Variants in AR observed in about 807,000 individuals in gnomAD.
The protein encoded by AR is dihydrotestosterone receptor.
AR carries 8 observed loss-of-function variants against 53.9 expected under a neutral mutation model. That is an observed-to-expected ratio of 0.15 (90% CI 0.09 to 0.27). AR has a LOEUF of 0.27. AR is among the 10% of genes least tolerant of loss of function. The pLI is 1.00. For synonymous variants in AR, 359 were observed against 316.4 expected, an observed-to-expected ratio of 1.13 and a Z score of -1.43; for missense variants, 639 against 742.5, an observed-to-expected ratio of 0.86 and a Z score of 1.62.
At chrX:67,708,656 C>T (rs1241734449) in intron 3 of AR, among the ~76,000 whole-genome samples, 6 of 112,233 alleles carry the variant, frequency 5.3e-5, no homozygotes, top group Admixed American at 2.8e-4. Context: ...AGTCATTCTC[C>T]GTCCAGGTTT....
intron 2 of AR, among the ~76,000 whole-genome samples, chrX:67,673,864 T>G (rs2075882402): frequency 9.0e-6 from 1 of 111,302 alleles, no homozygotes. Flanking sequence ...TTTTTCAGTG[T>G]CTGAGCATTG....
At chrX:67,649,308 T>G (rs150037771) in intron 2 of AR, among the ~76,000 whole-genome samples, 1 of 112,480 alleles carries the variant, frequency 8.9e-6, no homozygotes, top group East Asian at 2.8e-4. Flanking sequence ...AAGTCTGTGC[T>G]ATTGTGAATA....
chrX:67,603,603 T>C (rs1923481262), intron 1 of AR, among the ~76,000 whole-genome samples: 1 of 111,831 alleles, frequency 8.9e-6, no homozygotes, highest in Non-Finnish European at 1.9e-5. Flanking sequence ...ATAAGATGCA[T>C]AAAAATAAGT....
intron 2 of AR, among the ~76,000 whole-genome samples, chrX:67,676,502 T>A (rs1260105831): frequency 1.8e-5 from 2 of 112,300 alleles, no homozygotes; most frequent in African/African-American, 6.5e-5. Flanking sequence ...CAACAAGTGA[T>A]CAGTAGTCAG....
intron 5 of AR, among the ~76,000 whole-genome samples, chrX:67,719,343 A>G (rs952524005): frequency 9.8e-5 from 11 of 112,034 alleles, no homozygotes; most frequent in Non-Finnish European, 1.9e-4. Flanking sequence ...CTCCATGAGC[A>G]CCTGCTCTAC....
intron 2 of AR, among the ~76,000 whole-genome samples, chrX:67,662,933 A>G (rs976994319): frequency 1.8e-5 from 2 of 111,238 alleles, no homozygotes; most frequent in Non-Finnish European, 3.8e-5. Flanking sequence ...TTTATCTGAG[A>G]CTAGGATTGC....
In AR at chrX:67,545,015, C is replaced by T. The variant is rs1929632699; in HGVS notation, c.-132C>T. ...CGTGGTTGCTCCCGCAAGTTTCCTT[C>T]TCTGGAGCTTCCCGCAGGTGGGCAG... is the stretch of plus-strand genomic sequence containing the variant. On this transcript the variant is annotated 5_prime_UTR_variant, in exon 1 of 8. Transcript: ENST00000374690. 9.9e-7 allele frequency: 1 copy of T among 1,006,967 alleles called. No homozygotes were observed. The highest frequency in any genetic ancestry group is 1.3e-6 in the Non-Finnish European group (1 of 762,329). The allele number at this position is 1,006,967 out of a possible 1,213,427, so 83.0% of individuals were successfully genotyped here. A position where few individuals can be genotyped will look rare whatever the true frequency, so the allele number is the denominator to read the frequency against.
chrX:67,692,307 G>T (rs2075999171), intron 3 of AR, among the ~76,000 whole-genome samples: 1 of 112,418 alleles, frequency 8.9e-6, no homozygotes, highest in Non-Finnish European at 1.9e-5. Context: ...GATGCAAGTG[G>T]GAAGTCTCAT....
intron 3 of AR, among the ~76,000 whole-genome samples, chrX:67,686,356 G>A (rs1602255651): frequency 9.0e-6 from 1 of 111,335 alleles, no homozygotes; most frequent in South Asian, 3.8e-4. Flanking sequence ...TAGAGCAGGC[G>A]GTGTGAAGCA....
chrX:67,614,416 G>T (rs777664489), intron 1 of AR, among the ~76,000 whole-genome samples: 1 of 111,389 alleles, frequency 9.0e-6, no homozygotes, highest in Non-Finnish European at 1.9e-5. Flanking sequence ...TTTAATAAGT[G>T]GTTTATGTAA....
intron 3 of AR, among the ~76,000 whole-genome samples, chrX:67,707,299 A>T (rs936123174): frequency 7.1e-5 from 8 of 112,006 alleles, no homozygotes; most frequent in African/African-American, 2.6e-4. Context: ...GTCTCTAAGT[A>T]ATCACTTTAT....
chrX:67,688,775 C>A (rs1169957051), intron 3 of AR, among the ~76,000 whole-genome samples: 1 of 111,437 alleles, frequency 9.0e-6, no homozygotes, highest in Non-Finnish European at 1.9e-5. Context: ...CTCCACGTTC[C>A]CTGCCCTACT....
chrX:67,722,165 T>C (rs2076138767), intron 6 of AR: 1 of 469,051 alleles, frequency 2.1e-6, no homozygotes, highest in East Asian at 4.0e-5. Flanking sequence ...CCAATTTATT[T>C]GCTAGAAGTC....
At chrX:67,710,221 C>T (rs867056996) in intron 3 of AR, among the ~76,000 whole-genome samples, 8 of 111,865 alleles carry the variant, frequency 7.2e-5, no homozygotes, top group African/African-American at 2.6e-4. Flanking sequence ...CCCTAGCAAT[C>T]GGCTAGACAT....
intron 1 of AR, among the ~76,000 whole-genome samples, chrX:67,601,323 ACATTTTGGCC>A (rs1923346665): frequency 8.9e-6 from 1 of 112,152 alleles, no homozygotes; most frequent in Non-Finnish European, 1.9e-5. Context: ...GAATAAAAGT[ACATTTTGGCC>A]CATTTACTCC....
chrX:67,726,115 A>G lies in AR; in HGVS notation c.*2274A>G. ...CTTCCCTGATTTCTGCATTGATATT[A>G]ATAGCCAAACGAACTTCAAAACAGC... On this transcript the variant is annotated 3_prime_UTR_variant, in exon 8 of 8. Transcript: ENST00000374690. 1 of 175,870 alleles carries G rather than the reference A, an allele frequency of 5.7e-6. No homozygotes were observed. Among genetic ancestry groups the G allele is most frequent in the Non-Finnish European group, 1.1e-5 (1 of 91,741 alleles). The allele number at this position is 175,870 out of a possible 1,213,427, so 14.5% of individuals were successfully genotyped here.
At chrX:67,603,849 AAG>A (rs1314368756) in intron 1 of AR, among the ~76,000 whole-genome samples, 1 of 111,192 alleles carries the variant, frequency 9.0e-6, no homozygotes, top group Non-Finnish European at 1.9e-5. Context: ...AAAGATGATA[AAG>A]AGATGATTTA....
chrX:67,712,173 G>A (rs776545413), intron 4 of AR, among the ~76,000 whole-genome samples: 5 of 111,811 alleles, frequency 4.5e-5, no homozygotes, highest in East Asian at 2.8e-4. Context: ...AGAACACTTC[G>A]GGTCTGCTCT....
chrX:67,703,474 A>G (rs2076051337), intron 3 of AR, among the ~76,000 whole-genome samples: 1 of 111,560 alleles, frequency 9.0e-6, no homozygotes, highest in Non-Finnish European at 1.9e-5. Flanking sequence ...TGTTATTTCT[A>G]TCATTCTTTC....
Sources: gnomAD v4.1 joint callset for allele counts (sites outside exome capture counted in the v4.1 genomes callset) on GRCh38, gnomAD v4.1.1 for gene constraint, MANE v1.5 for transcripts, NCBI Gene and HGNC (gene_info 2026-07-23, HGNC 2026-07-21) for gene names.